HEATR3: variants seen among roughly 807,000 people sequenced by gnomAD.
HEATR3 encodes the protein HEAT repeat-containing protein 3.
HEATR3 carries 56 observed loss-of-function variants against 72.8 expected under a neutral mutation model. The observed-to-expected ratio is 0.77, with a 90% CI of 0.62 to 0.96. HEATR3 has a LOEUF of 0.96. Among genes scored for constraint, HEATR3 ranks in the 40% least tolerant of loss-of-function variants. HEATR3 has a pLI of 0.00. For synonymous variants in HEATR3, 331 were observed against 318.1 expected, an observed-to-expected ratio of 1.04 and a Z score of -0.43; for missense variants, 747 against 831.4, an observed-to-expected ratio of 0.90 and a Z score of 1.25.
chr16:50,091,154 T>C (rs2037100487), intron 11 of HEATR3, among the ~76,000 whole-genome samples: 1 of 148,134 alleles, frequency 6.8e-6, no homozygotes, highest in Non-Finnish European at 1.5e-5. Context: ...AAAAAAGAAA[T>C]TAATTAATTA....
Position 50,075,468 on chromosome 16 carries a change from A to G in HEATR3, c.623-103A>G, listed in dbSNP as rs1298657133. The G allele has an allele frequency of 5.5e-6, 6 of 1,084,824 alleles. No individual in the cohort carries two copies. The Admixed American group carries it at 1.0e-4, about 19-fold the overall frequency. 67.2% of individuals were successfully genotyped at this position (1,084,824 alleles called of 1,614,324 possible). ...TATTTTGCAAAACCTACATGTGTCT[A>G]ATGAAGTGGTAATGATACAATGTTT... On this transcript the variant is annotated intron_variant, in intron 5 of 14. Coordinates refer to ENST00000299192, the MANE Select transcript of HEATR3 (RefSeq NM_182922.4).
Position 50,066,071 on chromosome 16 carries a change from G to C in HEATR3, c.-61G>C, listed in dbSNP as rs1383275407. 17 of 1,523,618 alleles carry C rather than the reference G, an allele frequency of 1.1e-5. No homozygotes were observed. The highest frequency in any genetic ancestry group is 2.0e-5 in the Admixed American group (1 of 50,052). 94.4% of individuals were successfully genotyped at this position (1,523,618 alleles called of 1,614,324 possible). ...AACGGACCTTGTTAACGGCGCGGCA[G>C]CCTCCACCGCCTGCTGTTGCCCTCC... On this transcript the variant is annotated 5_prime_UTR_variant, in exon 1 of 15. Transcript: ENST00000299192.
chr16:50,080,971 A>T (rs1443133346), intron 7 of HEATR3, among the ~76,000 whole-genome samples: 2 of 152,210 alleles, frequency 1.3e-5, no homozygotes, highest in Non-Finnish European at 2.9e-5. Context: ...GCTTCCAAGG[A>T]CCTTCTACAG....
chr16:50,090,658 T>C (rs1316844033), intron 11 of HEATR3, among the ~76,000 whole-genome samples: 2 of 152,218 alleles, frequency 1.3e-5, no homozygotes, highest in African/African-American at 4.8e-5. Flanking sequence ...AAAACATCAA[T>C]GCGTTTTTTA....
chr16:50,104,850 G>T, intron 14 of HEATR3, 89 bp from the exon 15 acceptor site: 1 of 1,215,530 alleles, frequency 8.2e-7, no homozygotes, highest in East Asian at 2.8e-5. Flanking sequence ...TTCAGCAAAT[G>T]GTTAAATACA....
At position 50,070,230 on chromosome 16, in the gene HEATR3, A is replaced by G; in HGVS notation, c.452A>G (p.Gln151Arg). ...ATGTCTCTGCAGGAGAAAAAAGATC[A>G]GAACAGAAATTCTATTGAGAACATA... ...NEMSLQEKKD[Q>R]NRNSIENIAN... The change falls in exon 4 of 15, where the codon CAG becomes CGG. Residue 151 changes from glutamine (Q) to arginine (R), a missense_variant. Transcript: ENST00000299192. 6.2e-7 allele frequency: 1 copy of G among 1,611,118 alleles called. No individual in the cohort carries two copies. Among genetic ancestry groups the G allele is most frequent in the Non-Finnish European group, 8.5e-7 (1 of 1,178,084 alleles).
intron 6 of HEATR3, among the ~76,000 whole-genome samples, 157 bp downstream of exon 6, chr16:50,075,868 G>C (rs2036716485): frequency 6.6e-6 from 1 of 152,206 alleles, no homozygotes; most frequent in African/African-American, 2.4e-5. Flanking sequence ...CTTACTTCAA[G>C]CAGTTGTCTA....
chr16:50,089,827 C>T (rs889637076), intron 11 of HEATR3, among the ~76,000 whole-genome samples: 1 of 152,000 alleles, frequency 6.6e-6, no homozygotes, highest in Non-Finnish European at 1.5e-5. Flanking sequence ...TGCCAATGCG[C>T]CCAGCTAATT....
At chr16:50,072,938 A>C (rs924434195) in intron 5 of HEATR3, 3 of 458,924 alleles carry the variant, frequency 6.5e-6, no homozygotes, top group African/African-American at 6.0e-5. Flanking sequence ...GAGAAAGGTA[A>C]TTATGTGAGG....
chr16:50,079,742 T>C (rs1373594323), intron 7 of HEATR3, among the ~76,000 whole-genome samples: 2 of 152,180 alleles, frequency 1.3e-5, no homozygotes, highest in Non-Finnish European at 2.9e-5. Context: ...GCTCCTAATG[T>C]ATGCCAGGCA....
chr16:50,090,959 A>G (rs897612274), intron 11 of HEATR3, among the ~76,000 whole-genome samples: 6 of 151,852 alleles, frequency 4.0e-5, no homozygotes, highest in African/African-American at 1.2e-4. Context: ...AGCCTGACCA[A>G]TATGGTGAAA....
At chr16:50,089,008 T>C (rs985184886) in intron 11 of HEATR3, among the ~76,000 whole-genome samples, 12 of 152,162 alleles carry the variant, frequency 7.9e-5, no homozygotes, top group African/African-American at 2.4e-4. Flanking sequence ...GCCTGTGCTA[T>C]AGTGAAAGCA....
intron 13 of HEATR3, 34 bp downstream of exon 13, chr16:50,100,407 A>T (rs1485948603): frequency 2.5e-6 from 4 of 1,595,268 alleles, no homozygotes; most frequent in Non-Finnish European, 3.4e-6. Flanking sequence ...AACATGTTAA[A>T]TAATTAGAAA....
intron 10 of HEATR3, among the ~76,000 whole-genome samples, chr16:50,085,230 A>C (rs1230729012): frequency 6.6e-6 from 1 of 152,094 alleles, no homozygotes; most frequent in Non-Finnish European, 1.5e-5. Flanking sequence ...CAGCAGTGTT[A>C]ATTTCTTTCC....
chr16:50,086,844 G>A (rs1316302787), intron 11 of HEATR3, among the ~76,000 whole-genome samples: 2 of 152,074 alleles, frequency 1.3e-5, no homozygotes, highest in South Asian at 2.1e-4. Context: ...CAGGAGAATC[G>A]CTTGAACCCA....
intron 12 of HEATR3, among the ~76,000 whole-genome samples, chr16:50,097,082 T>A (rs903794041): frequency 3.9e-5 from 6 of 152,146 alleles, no homozygotes; most frequent in Admixed American, 2.6e-4. Flanking sequence ...TTATTTATTT[T>A]TTGTATTTAT....
intron 12 of HEATR3, among the ~76,000 whole-genome samples, chr16:50,099,382 A>C (rs906533850): frequency 6.6e-6 from 1 of 152,076 alleles, no homozygotes; most frequent in African/African-American, 2.4e-5. Context: ...AGGCGGGAGG[A>C]TTGCTTGAGC....
chr16:50,084,486 G>A, intron 9 of HEATR3, 83 bp from the exon 10 acceptor site: 2 of 1,160,442 alleles, frequency 1.7e-6, no homozygotes, highest in Non-Finnish European at 2.5e-6. Context: ...TTTCACTTAG[G>A]AGTAATATGT....
At chr16:50,091,601 A>G (rs1968186) in intron 11 of HEATR3, among the ~76,000 whole-genome samples, 138,664 of 152,220 alleles carry the variant, frequency 0.91, 63,256 homozygotes, top group Middle Eastern at 0.94. Flanking sequence ...TTGGCTGGGC[A>G]CGGTGGCTCA....
Sources: allele counts gnomAD v4.1 joint callset (sites outside exome capture counted in the v4.1 genomes callset), GRCh38; gene constraint gnomAD v4.1.1; transcripts MANE v1.5; gene names NCBI Gene and HGNC (gene_info 2026-07-23, HGNC 2026-07-21).